Variants in CDH6 observed in about 807,000 individuals in gnomAD.
CDH6 encodes the protein cadherin 6, also known as cadherin-6.
In CDH6, 31 loss-of-function variants were observed where a neutral mutation model predicts 78.0. The ratio of observed to expected loss-of-function variants is 0.40; its 90% CI spans 0.30 to 0.54. CDH6 has a LOEUF of 0.54. Among genes scored for constraint, CDH6 ranks in the 20% least tolerant of loss-of-function variants. The probability of loss-of-function intolerance (pLI) is 0.56; values close to 1 mark genes in which losing one functional copy is unlikely to be tolerated. For missense variants in CDH6, 724 were observed against 975.9 expected, an observed-to-expected ratio of 0.74 and a Z score of 3.44; for synonymous variants, 376 against 368.8, an observed-to-expected ratio of 1.02 and a Z score of -0.23.
At chr5:31,194,704 G>C (rs2111755101) in intron 1 of CDH6, among the ~76,000 whole-genome samples, 1 of 152,270 alleles carries the variant, frequency 6.6e-6, no homozygotes, top group African/African-American at 2.4e-5. Flanking sequence ...GGACTGATTG[G>C]AGAGTGGTTG....
chr5:31,195,749 A>G (rs1356410607), intron 1 of CDH6, among the ~76,000 whole-genome samples: 1 of 152,218 alleles, frequency 6.6e-6, no homozygotes, highest in African/African-American at 2.4e-5. Flanking sequence ...ATAGGGTTGT[A>G]TCTCATCCCC....
rs112771141 is a variant in CDH6 at position 31,211,351 on chromosome 5, G to A, written c.-129+17465G>A. Among the ~76,000 whole-genome samples the A allele has an allele frequency of 4.7e-3, 707 of 151,566 alleles. 5 individuals carry two copies. The highest frequency in any genetic ancestry group is 7.2e-3 in the Admixed American group (109 of 15,214). On this transcript the variant is annotated intron_variant, in intron 1 of 11. Transcript: ENST00000265071. Reference sequence around the variant, plus strand: ...ATGTTCTGAAGTGCTTCTTAAGAAAGTTTTTGCCTTTAGCTCTTTCCTAAC... The same window carrying A: ...ATGTTCTGAAGTGCTTCTTAAGAAAATTTTTGCCTTTAGCTCTTTCCTAAC...
Position 31,257,159 on chromosome 5 carries a change from A to ATGTTTGTTTGTTTGTT in CDH6, c.-128-10181_-128-10166dup, listed in dbSNP as rs200009608. On this transcript the variant is annotated intron_variant, in intron 1 of 11. Coordinates refer to ENST00000265071, the MANE Select transcript of CDH6 (RefSeq NM_004932.4). Reference sequence around the variant, plus strand: ...CCTCCAAGTGCTGTGAAGTATTCGCATGTTTGTTTGTTTGTTTGTTTTGAG... The same window carrying ATGTTTGTTTGTTTGTT: ...CCTCCAAGTGCTGTGAAGTATTCGCATGTTTGTTTGTTTGTTTGTTTGTTTGTTTGTTTGTTTTGAG... 8.6e-3 allele frequency among the ~76,000 whole-genome samples: 1,313 copies of ATGTTTGTTTGTTTGTT among 152,100 alleles called. 20 individuals carry two copies. Among genetic ancestry groups the ATGTTTGTTTGTTTGTT allele is most frequent in the African/African-American group, 0.03 (1,239 of 41,502 alleles).
Position 31,328,339 on chromosome 5 carries a change from A to G in CDH6, c.*5031A>G, listed in dbSNP as rs1738661208. On this transcript the variant is annotated 3_prime_UTR_variant, in exon 12 of 12. Transcript: ENST00000265071. The stretch of plus-strand genomic sequence containing the variant: ...TTGTGAGGCTACGTTATTTATGTAA[A>G]TATGTCTGGAGGCACCTTCTCTAAG... 5.0e-6 allele frequency: 1 copy of G among 200,372 alleles called. No individual in the cohort carries two copies. The highest frequency in any genetic ancestry group is 1.0e-5 in the Non-Finnish European group (1 of 97,250). 12.4% of individuals were successfully genotyped at this position (200,372 alleles called of 1,614,324 possible).
intron 1 of CDH6, among the ~76,000 whole-genome samples, chr5:31,199,685 G>GTGTGTATATATATATATATA (rs796740950): frequency 1.3e-4 from 10 of 79,856 alleles, no homozygotes; most frequent in African/African-American, 3.8e-4. Flanking sequence ...GTGTGTGTGT[G>GTGTGTATATATATATATATA]TATATATATA....
chr5:31,302,012 G>A, intron 5 of CDH6, 99 bp from the exon 6 acceptor site: 1 of 683,734 alleles, frequency 1.5e-6, no homozygotes. Flanking sequence ...CTACCTGATG[G>A]TAATGTCTTA....
chr5:31,242,834 C>T (rs1359366918), intron 1 of CDH6, among the ~76,000 whole-genome samples: 3 of 148,128 alleles, frequency 2.0e-5, no homozygotes, highest in Non-Finnish European at 4.4e-5. Flanking sequence ...CCAGCCTGGG[C>T]AACATAATGA....
chr5:31,287,847 G>A (rs1042038728), intron 2 of CDH6, among the ~76,000 whole-genome samples: 4 of 152,210 alleles, frequency 2.6e-5, no homozygotes, highest in African/African-American at 7.2e-5. Context: ...TCCAGGGACC[G>A]CACTTTGAGA....
intron 2 of CDH6, 95 bp from the exon 3 acceptor site, chr5:31,293,867 A>T: frequency 1.4e-6 from 1 of 728,156 alleles, no homozygotes; most frequent in Non-Finnish European, 2.2e-6. Flanking sequence ...GAAAGAATTT[A>T]ATAAAAGTTA....
intron 2 of CDH6, among the ~76,000 whole-genome samples, chr5:31,272,942 A>G (rs1742570859): frequency 6.6e-6 from 1 of 152,158 alleles, no homozygotes; most frequent in Non-Finnish European, 1.5e-5. Flanking sequence ...TGTGGGTTCT[A>G]TTTGAGGCCT....
intron 1 of CDH6, among the ~76,000 whole-genome samples, chr5:31,234,767 A>G (rs545719390): frequency 3.9e-5 from 6 of 152,336 alleles, no homozygotes; most frequent in African/African-American, 1.4e-4. Context: ...CTCAAATTAT[A>G]TACATAAACA....
rs146637993 is a variant in CDH6 at position 31,325,388 on chromosome 5, C to T, written c.*2080C>T. ...AACAAAAGGCTATATGAGGTCTTCA[C>T]TCTAATGAATTGATATGTATCATAG... On this transcript the variant is annotated 3_prime_UTR_variant, in exon 12 of 12. Coordinates refer to ENST00000265071, the MANE Select transcript of CDH6 (RefSeq NM_004932.4). 48 of 231,870 alleles carry T rather than the reference C, an allele frequency of 2.1e-4. No homozygotes were observed. Among genetic ancestry groups the T allele is most frequent in the African/African-American group, 9.9e-4 (45 of 45,272 alleles). The allele number at this position is 231,870 out of a possible 1,614,324, so 14.4% of individuals were successfully genotyped here.
intron 3 of CDH6, among the ~76,000 whole-genome samples, chr5:31,296,187 T>C (rs182168613): frequency 5.9e-5 from 9 of 152,218 alleles, no homozygotes; most frequent in African/African-American, 1.7e-4. Flanking sequence ...ACCCCTTTCA[T>C]GGAAAGGGGA....
intron 11 of CDH6, among the ~76,000 whole-genome samples, chr5:31,319,725 T>A (rs1356645381): frequency 6.6e-6 from 1 of 152,204 alleles, no homozygotes; most frequent in Non-Finnish European, 1.5e-5. Flanking sequence ...CAAAGCCACA[T>A]TGATATAGGA....
chr5:31,239,055 C>A (rs1415908369), intron 1 of CDH6, among the ~76,000 whole-genome samples: 2 of 152,202 alleles, frequency 1.3e-5, no homozygotes, highest in East Asian at 3.8e-4. Flanking sequence ...CTGGTTAGGG[C>A]ATCTATTTCA....
chr5:31,227,305 G>A (rs1741181216), intron 1 of CDH6, among the ~76,000 whole-genome samples: 1 of 152,120 alleles, frequency 6.6e-6, no homozygotes, highest in Admixed American at 6.5e-5. Flanking sequence ...GGACGTGGAA[G>A]ACAATCTACT....
intron 1 of CDH6, among the ~76,000 whole-genome samples, chr5:31,240,610 T>C (rs969783961): frequency 1.3e-5 from 2 of 152,170 alleles, no homozygotes; most frequent in Non-Finnish European, 2.9e-5. Flanking sequence ...TTCGCTCTAC[T>C]CAGACAGCTC....
chr5:31,327,796 G>T lies in CDH6; in HGVS notation c.*4488G>T, dbSNP rs79743305. On this transcript the variant is annotated 3_prime_UTR_variant, in exon 12 of 12. Transcript: ENST00000265071. ...TTCTCTACTAAAAATATCAGACCCC[G>T]ACCATATTTAATGTGGAGAGCAATA... The T allele has an allele frequency of 1.7e-4, 36 of 211,402 alleles. No homozygotes were observed. Among genetic ancestry groups the T allele is most frequent in the Non-Finnish European group, 3.3e-4 (34 of 104,426 alleles). 13.1% of individuals were successfully genotyped at this position (211,402 alleles called of 1,614,324 possible).
chr5:31,270,638 T>C (rs1243221009), intron 2 of CDH6, among the ~76,000 whole-genome samples: 1 of 152,104 alleles, frequency 6.6e-6, no homozygotes, highest in Non-Finnish European at 1.5e-5. Context: ...TCGCAAGGGG[T>C]CTGCAGAGGT....
Sources: allele counts gnomAD v4.1 joint callset (sites outside exome capture counted in the v4.1 genomes callset), GRCh38; gene constraint gnomAD v4.1.1; transcripts MANE v1.5; gene names NCBI Gene and HGNC (gene_info 2026-07-23, HGNC 2026-07-21).